The following ADCY1 variants were observed in gnomAD, a reference collection of about 807,000 sequenced individuals.
ADCY1 encodes adenylate cyclase type 1.
Under a neutral mutation model 105.4 loss-of-function variants are expected in ADCY1, and 28 were observed. The ratio of observed to expected loss-of-function variants is 0.27; its 90% CI spans 0.20 to 0.36. ADCY1 has a LOEUF of 0.36. Ranked by LOEUF, ADCY1 falls within the 10% of genes least tolerant of loss-of-function variation. ADCY1 has a pLI of 1.00. For missense variants in ADCY1, 977 were observed against 1,434.2 expected, an observed-to-expected ratio of 0.68 and a Z score of 5.15; for synonymous variants, 655 against 623.8, an observed-to-expected ratio of 1.05 and a Z score of -0.75.
intron 8 of ADCY1, among the ~76,000 whole-genome samples, chr7:45,671,059 C>T (rs765100882): frequency 2.0e-5 from 3 of 152,206 alleles, no homozygotes; most frequent in African/African-American, 4.8e-5. Context: ...AGCTGCTGGG[C>T]GCAGCAGAGA....
At chr7:45,602,815 T>G (rs1793275245) in intron 2 of ADCY1, among the ~76,000 whole-genome samples, 2 of 152,260 alleles carry the variant, frequency 1.3e-5, no homozygotes, top group Non-Finnish European at 2.9e-5. Flanking sequence ...GCAAGAATCT[T>G]AGTCTTATTA....
chr7:45,635,023 T>C (rs1794361127), intron 4 of ADCY1, among the ~76,000 whole-genome samples: 1 of 152,232 alleles, frequency 6.6e-6, no homozygotes, highest in Non-Finnish European at 1.5e-5. Context: ...TGGTATTCTT[T>C]CTTTCTTAAA....
intron 1 of ADCY1, among the ~76,000 whole-genome samples, chr7:45,583,289 G>T (rs1792618131): frequency 6.6e-6 from 1 of 152,202 alleles, no homozygotes; most frequent in Non-Finnish European, 1.5e-5. Context: ...AAGTGCAAGA[G>T]CATTGGTAAC....
At chr7:45,611,637 G>GT (rs35339777) in intron 3 of ADCY1, among the ~76,000 whole-genome samples, 22,345 of 140,728 alleles carry the variant, frequency 0.16, 1,890 homozygotes, top group African/African-American at 0.25. Flanking sequence ...AGGTTTGCTT[G>GT]TTTTTTTTTT....
intron 19 of ADCY1, among the ~76,000 whole-genome samples, chr7:45,711,953 TATTA>T (rs1562736041): frequency 1.6e-4 from 16 of 100,446 alleles, no homozygotes; most frequent in African/African-American, 5.5e-4. Context: ...ATACATATTA[TATTA>T]AATATATAAA....
At chr7:45,683,928 C>T (rs1168906622) in intron 11 of ADCY1, among the ~76,000 whole-genome samples, 1 of 152,242 alleles carries the variant, frequency 6.6e-6, no homozygotes. Context: ...GCTCTGGTGG[C>T]CTCCCTTAGC....
chr7:45,664,866 A>T (rs1424125696), intron 8 of ADCY1, among the ~76,000 whole-genome samples: 3 of 152,050 alleles, frequency 2.0e-5, no homozygotes, highest in African/African-American at 4.8e-5. Context: ...GTACCCATCA[A>T]CCCGTCATCT....
chr7:45,601,851 AG>A (rs1307885566), intron 2 of ADCY1, among the ~76,000 whole-genome samples: 2 of 152,102 alleles, frequency 1.3e-5, no homozygotes, highest in African/African-American at 4.8e-5. Context: ...GGAGAAGGGA[AG>A]GGGCCTGAAA....
chr7:45,692,189 C>T (rs1784797705), intron 14 of ADCY1, among the ~76,000 whole-genome samples: 1 of 152,240 alleles, frequency 6.6e-6, no homozygotes, highest in Admixed American at 6.5e-5. Flanking sequence ...AGGCCCCATG[C>T]CCACTGGAAA....
In ADCY1 at chr7:45,674,021, T is replaced by C. The variant is rs1233440736; in HGVS notation, c.1606-3848T>C. ...TATATATATATATGTTTTTGTTGTT[T>C]TTTTTTTTTTTCCTTGAGACTTCCT... On this transcript the variant is annotated intron_variant, in intron 8 of 19. Coordinates refer to ENST00000297323, the MANE Select transcript of ADCY1 (RefSeq NM_021116.4). Among the ~76,000 whole-genome samples the C allele has an allele frequency of 2.1e-4, 31 of 145,718 alleles. 1 individual carries two copies. Among genetic ancestry groups the C allele is most frequent in the Admixed American group, 4.1e-4 (6 of 14,722 alleles).
At position 45,717,464 on chromosome 7, in the gene ADCY1, G is replaced by A. The variant is rs1407336202; in HGVS notation, c.*3469G>A. ...ATTTTTAATCATGTACAATATTCAT[G>A]TACAAATGTTAGAGCCATTCGGGTA... is the stretch of plus-strand genomic sequence containing the variant. On this transcript the variant is annotated 3_prime_UTR_variant, in exon 20 of 20. Coordinates refer to ENST00000297323, the MANE Select transcript of ADCY1 (RefSeq NM_021116.4). The A allele has an allele frequency of 6.5e-6, 1 of 152,714 alleles. No individual in the cohort carries two copies. Among genetic ancestry groups the A allele is most frequent in the Non-Finnish European group, 1.5e-5 (1 of 68,014 alleles). The allele number at this position is 152,714 out of a possible 1,614,324, so 9.5% of individuals were successfully genotyped here. A position where few individuals can be genotyped will look rare whatever the true frequency, so the allele number is the denominator to read the frequency against.
rs965093608 is a variant in ADCY1 at position 45,591,519 on chromosome 7, C to T, written c.640-1240C>T. Among the ~76,000 whole-genome samples, 2 of 152,234 alleles carry T rather than the reference C, an allele frequency of 1.3e-5. No homozygotes were observed. Among genetic ancestry groups the T allele is most frequent in the Admixed American group, 1.3e-4 (2 of 15,284 alleles). On this transcript the variant is annotated intron_variant, in intron 1 of 19. Coordinates refer to ENST00000297323, the MANE Select transcript of ADCY1 (RefSeq NM_021116.4). This position sits in a 1 kb window ranked among gnomAD's most constrained non-coding sequence, Gnocchi z 4.1. Reference sequence around the variant, plus strand: ...GTTAATCTGTGTGGAGCAGTGACAGCCGGAGCCTGCAGGTTTCTGCTCCCT... The same window carrying T: ...GTTAATCTGTGTGGAGCAGTGACAGTCGGAGCCTGCAGGTTTCTGCTCCCT...
intron 5 of ADCY1, among the ~76,000 whole-genome samples, chr7:45,649,233 A>G (rs541901038): frequency 5.3e-5 from 8 of 152,130 alleles, no homozygotes; most frequent in Non-Finnish European, 1.0e-4. Context: ...GTGTGGGGAG[A>G]CAGGCTTGGG....
intron 6 of ADCY1, 68 bp from the exon 7 acceptor site, chr7:45,659,974 G>A: frequency 6.3e-7 from 1 of 1,594,226 alleles, no homozygotes. Flanking sequence ...TTCCCCTCTG[G>A]TAAGGCCCTG....
Position 45,691,070 on chromosome 7 carries a change from G to A in ADCY1, c.2454+4397G>A, listed in dbSNP as rs887479780. Among the ~76,000 whole-genome samples, 44 of 152,178 alleles carry A rather than the reference G, an allele frequency of 2.9e-4. 1 individual carries two copies. Among genetic ancestry groups the A allele is most frequent in the African/African-American group, 1.0e-3 (42 of 41,442 alleles). ...CCAGTTGAGGGACACTTCTGGGAGA[G>A]ACATTTCCTCTCATCTGGGTTGACA... On this transcript the variant is annotated intron_variant, in intron 14 of 19. Transcript: ENST00000297323.
chr7:45,650,763 A>G (rs1794786603), intron 5 of ADCY1, among the ~76,000 whole-genome samples: 2 of 151,966 alleles, frequency 1.3e-5, no homozygotes, highest in East Asian at 1.9e-4. Flanking sequence ...CCTTCCTTCT[A>G]CTGTTTCTGC....
At chr7:45,662,316 C>T in intron 8 of ADCY1, 102 bp downstream of exon 8, 1 of 1,291,320 alleles carries the variant, frequency 7.7e-7, no homozygotes, top group Non-Finnish European at 1.0e-6. Flanking sequence ...GATCAGAATT[C>T]CCTGTTCACA....
chr7:45,695,880 A>T (rs1584338099), intron 14 of ADCY1, among the ~76,000 whole-genome samples: 1 of 152,220 alleles, frequency 6.6e-6, no homozygotes, highest in Non-Finnish European at 1.5e-5. Context: ...CTAATCTATG[A>T]CCAGCCTGCA....
intron 8 of ADCY1, chr7:45,664,732 T>A (rs1308716528): frequency 5.1e-6 from 1 of 197,524 alleles, no homozygotes; most frequent in Non-Finnish European, 1.0e-5. Flanking sequence ...AAACATTTCC[T>A]TCCATTATTA....
Sources: gnomAD v4.1 joint callset for allele counts (sites outside exome capture counted in the v4.1 genomes callset) on GRCh38, gnomAD v4.1.1 for gene constraint, Gnocchi (gnomAD v3.1) non-coding constraint, MANE v1.5 for transcripts, NCBI Gene and HGNC (gene_info 2026-07-23, HGNC 2026-07-21) for gene names.